The following CARMIL1 variants were observed in gnomAD, a reference collection of about 807,000 sequenced individuals.
CARMIL1 encodes the protein F-actin-uncapping protein LRRC16A.
A neutral mutation model predicts 177.1 loss-of-function variants in CARMIL1; 90 were observed. That is an observed-to-expected ratio of 0.51 (90% CI 0.43 to 0.61). CARMIL1 has a LOEUF of 0.61. CARMIL1 is among the 20% of genes least tolerant of loss of function. CARMIL1 has a pLI of 0.00. For synonymous variants in CARMIL1, 577 were observed against 606.2 expected, an observed-to-expected ratio of 0.95 and a Z score of 0.71; for missense variants, 1,380 against 1,667.0, an observed-to-expected ratio of 0.83 and a Z score of 3.00.
At chr6:25,541,325 C>G (rs1240000910) in intron 26 of CARMIL1, among the ~76,000 whole-genome samples, 1 of 152,156 alleles carries the variant, frequency 6.6e-6, no homozygotes, top group Non-Finnish European at 1.5e-5. Context: ...ACTATACATA[C>G]TGATTGGTAA....
chr6:25,328,607 C>T (rs1419570560), intron 2 of CARMIL1, among the ~76,000 whole-genome samples: 1 of 151,850 alleles, frequency 6.6e-6, no homozygotes, highest in Non-Finnish European at 1.5e-5. Flanking sequence ...TCTTCGTTAC[C>T]TTCTCTCAAG....
chr6:25,368,391 A>G (rs1257585934), intron 2 of CARMIL1, among the ~76,000 whole-genome samples: 2 of 152,216 alleles, frequency 1.3e-5, no homozygotes, highest in Non-Finnish European at 2.9e-5. Flanking sequence ...AGGCGGCTGC[A>G]GAGAGGTTGT....
intron 22 of CARMIL1, among the ~76,000 whole-genome samples, chr6:25,517,644 C>T (rs1806141489): frequency 6.6e-6 from 1 of 152,178 alleles, no homozygotes; most frequent in Non-Finnish European, 1.5e-5. Flanking sequence ...CTGCCAAAAA[C>T]ACCACACTGT....
intron 36 of CARMIL1, among the ~76,000 whole-genome samples, chr6:25,616,706 A>T (rs1228241044): frequency 6.6e-6 from 1 of 152,262 alleles, no homozygotes; most frequent in Admixed American, 6.5e-5. Flanking sequence ...ACCTACTTCA[A>T]TATAGTCGTA....
In CARMIL1 at chr6:25,596,076, A is replaced by G. The variant is rs150519440; in HGVS notation, c.3119+1549A>G. ...TATAAGCATTCGATCCGAACTGTAC[A>G]TATTGTTATACCCGTCCCAGTGTGA... On this transcript the variant is annotated intron_variant, in intron 32 of 36. Transcript: ENST00000329474. 7.6e-4 allele frequency among the ~76,000 whole-genome samples: 116 copies of G among 152,320 alleles called. 1 individual carries two copies. The highest frequency in any genetic ancestry group is 2.7e-3 in the African/African-American group (112 of 41,564).
chr6:25,332,772 C>CACACAT (rs1554165886), intron 2 of CARMIL1, among the ~76,000 whole-genome samples: 99 of 83,966 alleles, frequency 1.2e-3, no homozygotes, highest in Non-Finnish European at 2.3e-3. Flanking sequence ...CACACACACA[C>CACACAT]GCGCACACAC....
At chr6:25,476,154 G>C (rs552523007) in intron 11 of CARMIL1, among the ~76,000 whole-genome samples, 1 of 152,322 alleles carries the variant, frequency 6.6e-6, no homozygotes, top group Admixed American at 6.5e-5. Context: ...GGTGAAGTTT[G>C]AGAGATTTGT....
intron 2 of CARMIL1, among the ~76,000 whole-genome samples, chr6:25,352,841 A>G (rs1788246440): frequency 6.6e-6 from 1 of 152,184 alleles, no homozygotes; most frequent in African/African-American, 2.4e-5. Flanking sequence ...GTCAGATAGT[A>G]TATGTAAGAA....
rs184156636 is a variant in CARMIL1 at position 25,535,937 on chromosome 6, A to G, written c.2068-1918A>G. ...CTTTGAATTGAAGAACTTAATTTTG[A>G]TTGTTCTTTTGCATGACATTTTAAA... On this transcript the variant is annotated intron_variant, in intron 24 of 36. Coordinates refer to ENST00000329474, the MANE Select transcript of CARMIL1 (RefSeq NM_017640.6). Among the ~76,000 whole-genome samples, 287 of 152,238 alleles carry G rather than the reference A, an allele frequency of 1.9e-3. 2 individuals are homozygous for G. Among genetic ancestry groups the G allele is most frequent in the African/African-American group, 6.6e-3 (274 of 41,546 alleles).
At chr6:25,295,878 G>T (rs149278276) in intron 2 of CARMIL1, among the ~76,000 whole-genome samples, 1 of 152,184 alleles carries the variant, frequency 6.6e-6, no homozygotes, top group African/African-American at 2.4e-5. Context: ...GTGTGAGCCT[G>T]TATTATATGA....
intron 2 of CARMIL1, among the ~76,000 whole-genome samples, chr6:25,334,521 AT>A (rs1786018620): frequency 1.3e-5 from 2 of 151,058 alleles, no homozygotes; most frequent in African/African-American, 4.9e-5. Flanking sequence ...CCATGCCCAC[AT>A]TTCTTGCTTC....
chr6:25,280,152 C>T (rs1251740097), intron 1 of CARMIL1, among the ~76,000 whole-genome samples: 1 of 152,178 alleles, frequency 6.6e-6, no homozygotes, highest in Non-Finnish European at 1.5e-5. Flanking sequence ...AAGAAGGGGG[C>T]GGGCCATCTT....
At chr6:25,514,437 C>T (rs533140688) in intron 20 of CARMIL1, among the ~76,000 whole-genome samples, 2 of 150,942 alleles carry the variant, frequency 1.3e-5, no homozygotes, top group South Asian at 2.1e-4. Context: ...ATCCCAGCTA[C>T]TCGGTAGGCT....
Position 25,537,726 on chromosome 6 carries a change from T to G in CARMIL1, c.2068-129T>G, listed in dbSNP as rs570232811. The G allele has an allele frequency of 1.5e-5, 16 of 1,052,662 alleles. No homozygotes were observed. In the South Asian group the frequency reaches 1.6e-4, roughly 10 times the overall value. The allele number at this position is 1,052,662 out of a possible 1,614,324, so 65.2% of individuals were successfully genotyped here. On this transcript the variant is annotated intron_variant, in intron 24 of 36. Transcript: ENST00000329474. ...CTCAGTGACTCCAGTTAGAAGGGTT[T>G]GAGGTTTTCATCCTTGTGCATTCTG...
rs141534756 is a variant in CARMIL1, at chr6:25,330,428, A to C, written c.138+45519A>C. ...TTTTGGGGAGCCAGGGAAGAAGGGG[A>C]GAGATGATCAGATTTCCATTTTGAT... On this transcript the variant is annotated intron_variant, in intron 2 of 36. Coordinates refer to ENST00000329474, the MANE Select transcript of CARMIL1 (RefSeq NM_017640.6). 1.7e-4 allele frequency among the ~76,000 whole-genome samples: 26 copies of C among 152,286 alleles called. No individual in the cohort carries two copies. The East Asian group carries it at 1.9e-3, about 11-fold the overall frequency.
At chr6:25,282,178 A>G (rs967718237) in intron 1 of CARMIL1, among the ~76,000 whole-genome samples, 2 of 152,024 alleles carry the variant, frequency 1.3e-5, no homozygotes, top group African/African-American at 4.8e-5. Context: ...AAATGTAGAG[A>G]AGAATAAGAA....
chr6:25,373,454 A>C (rs747694877), intron 2 of CARMIL1, among the ~76,000 whole-genome samples: 4 of 145,684 alleles, frequency 2.7e-5, no homozygotes, highest in Non-Finnish European at 4.5e-5. Flanking sequence ...AGCTAGGAAG[A>C]TTGTATGTTT....
At chr6:25,500,925 AT>A (rs879804787) in intron 17 of CARMIL1, among the ~76,000 whole-genome samples, 7 of 146,262 alleles carry the variant, frequency 4.8e-5, no homozygotes, top group Non-Finnish European at 6.0e-5. Flanking sequence ...ACGCCCGGCT[AT>A]TTTTTTTTTG....
chr6:25,398,517 T>G (rs1286800928), intron 2 of CARMIL1, among the ~76,000 whole-genome samples: 1 of 152,178 alleles, frequency 6.6e-6, no homozygotes, highest in Non-Finnish European at 1.5e-5. Flanking sequence ...AACTAGCCTG[T>G]TAGTGGGTGG....
Sources: gnomAD v4.1 joint callset for allele counts (sites outside exome capture counted in the v4.1 genomes callset) on GRCh38, gnomAD v4.1.1 for gene constraint, MANE v1.5 for transcripts, NCBI Gene and HGNC (gene_info 2026-07-23, HGNC 2026-07-21) for gene names.